Variants in AMOTL1 observed in about 807,000 individuals in gnomAD.
AMOTL1 encodes angiomotin-like protein 1.
Under a neutral mutation model 102.9 loss-of-function variants are expected in AMOTL1, and 45 were observed. That is an observed-to-expected ratio of 0.44 (90% CI 0.34 to 0.56). The LOEUF (loss-of-function observed/expected upper bound fraction) is 0.56, where lower values mean the gene tolerates loss of function less well. Ranked by LOEUF, AMOTL1 falls within the 20% of genes least tolerant of loss-of-function variation. AMOTL1 has a pLI of 0.01. For synonymous variants in AMOTL1, 481 were observed against 484.7 expected, an observed-to-expected ratio of 0.99 and a Z score of 0.10; for missense variants, 1,114 against 1,225.6, an observed-to-expected ratio of 0.91 and a Z score of 1.36.
intron 1 of AMOTL1, among the ~76,000 whole-genome samples, chr11:94,780,035 A>C (rs1951086206): frequency 6.6e-6 from 1 of 152,240 alleles, no homozygotes; most frequent in Non-Finnish European, 1.5e-5. Flanking sequence ...AGATCACTGC[A>C]AAGAAGAGAT....
intron 6 of AMOTL1, among the ~76,000 whole-genome samples, chr11:94,834,314 G>A (rs962897905): frequency 1.2e-4 from 18 of 152,148 alleles, no homozygotes; most frequent in African/African-American, 3.4e-4. Flanking sequence ...CGGGCCGGGC[G>A]CGGTGGCTCA....
intron 8 of AMOTL1, among the ~76,000 whole-genome samples, chr11:94,858,441 A>G (rs962942753): frequency 1.3e-5 from 2 of 152,242 alleles, no homozygotes; most frequent in African/African-American, 4.8e-5. Context: ...TGATAGGATT[A>G]GTTTCCGTCA....
intron 1 of AMOTL1, among the ~76,000 whole-genome samples, chr11:94,780,477 G>T (rs1034372218): frequency 6.6e-6 from 1 of 152,168 alleles, no homozygotes; most frequent in Admixed American, 6.5e-5. Context: ...TGTAATTTTA[G>T]CATAGTTTGT....
intron 3 of AMOTL1, among the ~76,000 whole-genome samples, chr11:94,804,502 G>A (rs1256965856): frequency 6.6e-6 from 1 of 152,104 alleles, no homozygotes; most frequent in Non-Finnish European, 1.5e-5. Flanking sequence ...ATGTTGGCAA[G>A]GCTGGTCTTG....
At chr11:94,735,712 T>G (rs1950429343) in intron 2 of AMOTL1, among the ~76,000 whole-genome samples, 1 of 152,168 alleles carries the variant, frequency 6.6e-6, no homozygotes, top group South Asian at 2.1e-4. Flanking sequence ...CCTTAAAAAT[T>G]CCTACTAGGA....
intron 9 of AMOTL1, 66 bp downstream of exon 9, chr11:94,859,781 G>C (rs1952738675): frequency 2.8e-5 from 41 of 1,489,368 alleles, no homozygotes; most frequent in Non-Finnish European, 3.4e-5. Context: ...AAACAAACAG[G>C]CTATCCAGAG....
rs76274215 is a variant in AMOTL1, at chr11:94,782,937, T to G, written c.50-12074T>G. ...TTCATAAAAATATTTATGTAACATA[T>G]CATGGCTTTATTATTGATATTTTTA... On this transcript the variant is annotated intron_variant, in intron 1 of 12. Coordinates refer to ENST00000433060, the MANE Select transcript of AMOTL1 (RefSeq NM_130847.3). 3.6e-3 allele frequency among the ~76,000 whole-genome samples: 547 copies of G among 152,352 alleles called. 8 individuals are homozygous for G. The highest frequency in any genetic ancestry group is 0.012 in the African/African-American group (494 of 41,568).
At chr11:94,870,427 G>A (rs1952973836) in intron 12 of AMOTL1, among the ~76,000 whole-genome samples, 1 of 152,196 alleles carries the variant, frequency 6.6e-6, no homozygotes, top group Admixed American at 6.5e-5. Context: ...TTGAGTAGAG[G>A]GTGTGAGGGG....
chr11:94,820,636 T>C (rs1951847261), intron 3 of AMOTL1, among the ~76,000 whole-genome samples: 2 of 152,346 alleles, frequency 1.3e-5, no homozygotes, highest in South Asian at 2.1e-4. Flanking sequence ...GCGCTTTGTT[T>C]CTATTATTAT....
chr11:94,799,793 C>T lies in AMOTL1; in HGVS notation c.603C>T (p.Phe201=), dbSNP rs772760528. The change falls in exon 3 of 13, where the codon TTC becomes TTT. Residue 201 remains phenylalanine, a synonymous_variant. Coordinates refer to ENST00000433060, the MANE Select transcript of AMOTL1 (RefSeq NM_130847.3). The surrounding 1 kb of genome is among the most constrained non-coding windows in gnomAD (Gnocchi z 4.5). ...YEEAKAQSQF[F]RGQQQQQQQQ... ...AGGCCAAAGCACAGTCGCAGTTCTTCAGGGGGCAGCAGCAGCAGCAACAGC... is the reference window on the plus strand; with the variant it reads ...AGGCCAAAGCACAGTCGCAGTTCTTTAGGGGGCAGCAGCAGCAGCAACAGC... 17 of 1,600,868 alleles carry T rather than the reference C, an allele frequency of 1.1e-5. No homozygotes were observed. The highest frequency in any genetic ancestry group is 1.7e-6 in the Non-Finnish European group (2 of 1,172,764).
At chr11:94,860,075 G>A (rs1324316236) in intron 9 of AMOTL1, among the ~76,000 whole-genome samples, 2 of 152,162 alleles carry the variant, frequency 1.3e-5, no homozygotes, top group Non-Finnish European at 2.9e-5. Context: ...ATAATTTAAA[G>A]TACATAACAC....
At position 94,736,249 on chromosome 11, in the gene AMOTL1, A is replaced by T. The variant is rs569051260; in HGVS notation, c.86-4689A>T. On this transcript the variant is annotated intron_variant, in intron 2 of 4. Transcript: ENST00000299004. The stretch of plus-strand genomic sequence containing the variant: ...CTATGTGGGAAGAAAATGAACATTT[A>T]TTTATGTATGTATGTATTTTGAGAC... 1.8e-4 allele frequency among the ~76,000 whole-genome samples: 27 copies of T among 152,242 alleles called. No individual in the cohort carries two copies. The Middle Eastern group carries it at 0.01, about 58-fold the overall frequency.
At chr11:94,855,242 G>C (rs1952638062) in intron 8 of AMOTL1, among the ~76,000 whole-genome samples, 1 of 152,248 alleles carries the variant, frequency 6.6e-6, no homozygotes, top group South Asian at 2.1e-4. Flanking sequence ...GCAGGCCCAT[G>C]CAGTTCCCTC....
chr11:94,731,307 G>A (rs983895235), intron 2 of AMOTL1, among the ~76,000 whole-genome samples: 1 of 151,848 alleles, frequency 6.6e-6, no homozygotes. Flanking sequence ...GGTGAAGTGG[G>A]TGAAGCACAG....
chr11:94,815,149 C>T (rs974534460), intron 3 of AMOTL1, among the ~76,000 whole-genome samples: 3 of 152,160 alleles, frequency 2.0e-5, no homozygotes, highest in Non-Finnish European at 2.9e-5. Context: ...GAATTGTCAA[C>T]ATAAATTATC....
At chr11:94,835,365 G>A (rs1393021486) in intron 6 of AMOTL1, among the ~76,000 whole-genome samples, 1 of 152,176 alleles carries the variant, frequency 6.6e-6, no homozygotes, top group East Asian at 1.9e-4. Flanking sequence ...ACCAGAGGCA[G>A]GTTACTGTCT....
chr11:94,810,142 T>C (rs935762538), intron 3 of AMOTL1, among the ~76,000 whole-genome samples: 2 of 152,226 alleles, frequency 1.3e-5, no homozygotes, highest in Non-Finnish European at 2.9e-5. Flanking sequence ...GTGAAATTTA[T>C]ATCTCAAGGT....
At chr11:94,810,829 AAGAC>A (rs1591990147) in intron 3 of AMOTL1, among the ~76,000 whole-genome samples, 1 of 82,766 alleles carries the variant, frequency 1.2e-5, no homozygotes, top group East Asian at 3.3e-4. Context: ...AGAAAAATAA[AAGAC>A]ACACACACAC....
chr11:94,726,980 A>C (rs1950270995), intron 1 of AMOTL1, among the ~76,000 whole-genome samples: 1 of 152,150 alleles, frequency 6.6e-6, no homozygotes, highest in Non-Finnish European at 1.5e-5. Context: ...TAAAACACTC[A>C]CCATGGGCCT....
Sources: gnomAD v4.1 joint callset for allele counts (sites outside exome capture counted in the v4.1 genomes callset) on GRCh38, gnomAD v4.1.1 for gene constraint, Gnocchi (gnomAD v3.1) non-coding constraint, MANE v1.5 for transcripts, NCBI Gene and HGNC (gene_info 2026-07-23, HGNC 2026-07-21) for gene names.